CASS4: variants seen among roughly 807,000 people sequenced by gnomAD.
CASS4 encodes cas scaffolding protein family member 4.
A neutral mutation model predicts 54.2 loss-of-function variants in CASS4; 22 were observed. The observed-to-expected ratio is 0.41, with a 90% CI of 0.29 to 0.58. The LOEUF (loss-of-function observed/expected upper bound fraction) is 0.58. CASS4 is among the 20% of genes least tolerant of loss of function. The probability of loss-of-function intolerance (pLI) is 0.36; values close to 1 mark genes in which losing one functional copy is unlikely to be tolerated. For missense variants in CASS4, 854 were observed against 986.7 expected (o/e 0.87, Z 1.80); for synonymous variants, 409 against 391.5 (o/e 1.04, Z -0.53).
Position 56,450,363 on chromosome 20 carries a change from G to A in CASS4, c.562-236G>A, listed in dbSNP as rs540822438. Among the ~76,000 whole-genome samples the A allele has an allele frequency of 2.3e-3, 351 of 152,264 alleles. 2 individuals carry two copies. Among genetic ancestry groups the A allele is most frequent in the African/African-American group, 8.1e-3 (335 of 41,548 alleles). Reference sequence around the variant, plus strand: ...TAAAGCACAAAGTCCATTGTTGAATGTATACCCTGTTATGGGAAAAAGGAC... The same window carrying A: ...TAAAGCACAAAGTCCATTGTTGAATATATACCCTGTTATGGGAAAAAGGAC... On this transcript the variant is annotated intron_variant, in intron 3 of 5. Coordinates refer to ENST00000679887, the MANE Select transcript of CASS4 (RefSeq NM_020356.4).
At chr20:56,421,748 T>G (rs1466307837) in intron 1 of CASS4, among the ~76,000 whole-genome samples, 1 of 152,166 alleles carries the variant, frequency 6.6e-6, no homozygotes, top group East Asian at 1.9e-4. Context: ...TTTCTTCTAA[T>G]TGGTGTCGGC....
At chr20:56,445,549 C>A (rs1980664568) in intron 2 of CASS4, among the ~76,000 whole-genome samples, 1 of 152,250 alleles carries the variant, frequency 6.6e-6, no homozygotes, top group African/African-American at 2.4e-5. Flanking sequence ...ATCGGAATCA[C>A]CTGGCAAGCT....
chr20:56,436,866 AAC>A (rs1640307249), intron 1 of CASS4, among the ~76,000 whole-genome samples: 2 of 152,132 alleles, frequency 1.3e-5, no homozygotes, highest in Non-Finnish European at 2.9e-5. Context: ...CAGCCTGGGC[AAC>A]AGAGTGAGAC....
chr20:56,448,013 G>A (rs1361497653), intron 3 of CASS4, among the ~76,000 whole-genome samples: 1 of 152,060 alleles, frequency 6.6e-6, no homozygotes, highest in Non-Finnish European at 1.5e-5. Context: ...ATGGTGGCAG[G>A]TGCCTGTAGT....
In CASS4 at chr20:56,450,029, G is replaced by C. The variant is rs1042221015; in HGVS notation, c.562-570G>C. ...TTGCCCCCCAACCTTTGGTTGAGAGGTCTTTTTTTTTTTTTCTTTGAGATG... is the reference window on the plus strand; with the variant it reads ...TTGCCCCCCAACCTTTGGTTGAGAGCTCTTTTTTTTTTTTTCTTTGAGATG... On this transcript the variant is annotated intron_variant, in intron 3 of 5. Transcript: ENST00000679887. Among the ~76,000 whole-genome samples, 5 of 142,594 alleles carry C rather than the reference G, an allele frequency of 3.5e-5. No homozygotes were observed. In the South Asian group the frequency reaches 1.1e-3, roughly 31 times the overall value. 93.5% of individuals were successfully genotyped at this position (142,594 alleles called of 152,430 possible). A position where few individuals can be genotyped will look rare whatever the true frequency, so the allele number is the denominator to read the frequency against.
chr20:56,440,801 A>C (rs1029843178), intron 2 of CASS4, among the ~76,000 whole-genome samples: 9 of 152,166 alleles, frequency 5.9e-5, no homozygotes, highest in Admixed American at 5.2e-4. Flanking sequence ...CAAACAACAG[A>C]AACCGCAAGG....
At chr20:56,441,182 C>T (rs1980439374) in intron 2 of CASS4, among the ~76,000 whole-genome samples, 1 of 151,300 alleles carries the variant, frequency 6.6e-6, no homozygotes, top group South Asian at 2.1e-4. Flanking sequence ...TTAGTAGTGA[C>T]AGGGTTTCGC....
chr20:56,452,006 CCACTTTCTA>C lies in CASS4; in HGVS notation c.833_841del (p.Thr278_Tyr280del). On this transcript the variant is annotated inframe_deletion, in exon 5 of 6. Transcript: ENST00000679887. The stretch of plus-strand genomic sequence containing the variant: ...CCCCACGCTCTCCCCAGTTCCAGCT[CCACTTTCTA>C]CAATCCTCCAAGTGGCAGATCCAGG... 1 of 1,614,216 alleles carries C rather than the reference CCACTTTCTA, an allele frequency of 6.2e-7. No homozygotes were observed. Among genetic ancestry groups the C allele is most frequent in the East Asian group, 2.2e-5 (1 of 44,880 alleles).
At chr20:56,440,889 T>C (rs1980422656) in intron 2 of CASS4, among the ~76,000 whole-genome samples, 1 of 152,162 alleles carries the variant, frequency 6.6e-6, no homozygotes, top group African/African-American at 2.4e-5. Flanking sequence ...GGGAATTTCC[T>C]GCCTTGTTTT....
chr20:56,412,390 T>A lies in CASS4; in HGVS notation c.-69T>A. 1 of 1,536,418 alleles carries A rather than the reference T, an allele frequency of 6.5e-7. No homozygotes were observed. Among genetic ancestry groups the A allele is most frequent in the Non-Finnish European group, 9.0e-7 (1 of 1,116,392 alleles). ...ACCAGCCAGAAGCATGCAGTGACATTGCACAATCTGCCTCTGAAGCTGGAG... is the reference window on the plus strand; with the variant it reads ...ACCAGCCAGAAGCATGCAGTGACATAGCACAATCTGCCTCTGAAGCTGGAG... On this transcript the variant is annotated 5_prime_UTR_variant, in exon 1 of 6. Coordinates refer to ENST00000679887, the MANE Select transcript of CASS4 (RefSeq NM_020356.4). This position sits in a 1 kb window ranked among gnomAD's most constrained non-coding sequence, Gnocchi z 4.2.
intron 1 of CASS4, among the ~76,000 whole-genome samples, chr20:56,424,434 A>G (rs1472059370): frequency 1.3e-5 from 2 of 152,132 alleles, no homozygotes; most frequent in African/African-American, 4.8e-5. Context: ...TTCATGGGGG[A>G]AAAGAAAAGT....
At chr20:56,441,368 G>A (rs1283864396) in intron 2 of CASS4, among the ~76,000 whole-genome samples, 1 of 150,686 alleles carries the variant, frequency 6.6e-6, no homozygotes, top group East Asian at 2.0e-4. Context: ...AATTTGGGAG[G>A]CCAAGGCGGG....
intron 1 of CASS4, among the ~76,000 whole-genome samples, chr20:56,423,311 T>C (rs1979495136): frequency 2.6e-5 from 4 of 152,194 alleles, no homozygotes; most frequent in African/African-American, 4.8e-5. Context: ...TCTTTGATTG[T>C]GTGGGACTCT....
In CASS4 at chr20:56,452,261, C is replaced by T; in HGVS notation, c.1085C>T (p.Ala362Val). 2 of 1,613,998 alleles carry T rather than the reference C, an allele frequency of 1.2e-6. No homozygotes were observed. Among genetic ancestry groups the T allele is most frequent in the South Asian group, 1.1e-5 (1 of 91,086 alleles). Reference protein sequence around the residue: ...IPKATSSVSQAGKELEKAKEV... With the variant: ...IPKATSSVSQVGKELEKAKEV... ...AAAGCAACGTCGAGTGTTTCTCAGG[C>T]TGGGAAGGAGCTGGAGAAAGCCAAG... is the stretch of plus-strand genomic sequence containing the variant. The change falls in exon 5 of 6, where the codon GCT becomes GTT. Residue 362 changes from alanine (A) to valine (V), a missense_variant. Coordinates refer to ENST00000679887, the MANE Select transcript of CASS4 (RefSeq NM_020356.4).
At chr20:56,456,355 T>C (rs2146300498) in intron 5 of CASS4, among the ~76,000 whole-genome samples, 1 of 150,120 alleles carries the variant, frequency 6.7e-6, no homozygotes, top group South Asian at 2.1e-4. Context: ...CCTACCTCAT[T>C]ACTTCTCGTT....
At chr20:56,436,453 C>CAT (rs1980173776) in intron 1 of CASS4, among the ~76,000 whole-genome samples, 1 of 147,630 alleles carries the variant, frequency 6.8e-6, no homozygotes, top group African/African-American at 2.5e-5. Flanking sequence ...TGTATATATA[C>CAT]ATATATATAA....
rs1284441758 is a variant in CASS4 at position 56,460,245 on chromosome 20, A to G, written c.*1498A>G. On this transcript the variant is annotated 3_prime_UTR_variant, in exon 6 of 6. Coordinates refer to ENST00000679887, the MANE Select transcript of CASS4 (RefSeq NM_020356.4). The stretch of plus-strand genomic sequence containing the variant: ...AATTCTGCTCAATTTGAAAAATTTT[A>G]TATTTTGTCTCAAATCTGTTACAAT... 4.6e-5 allele frequency: 7 copies of G among 152,628 alleles called. No individual in the cohort carries two copies. Among genetic ancestry groups the G allele is most frequent in the African/African-American group, 1.4e-4 (6 of 41,536 alleles). The allele number at this position is 152,628 out of a possible 1,614,324, so 9.5% of individuals were successfully genotyped here. A position where few individuals can be genotyped will look rare whatever the true frequency, so the allele number is the denominator to read the frequency against.
At chr20:56,455,768 A>G (rs1171275079) in intron 5 of CASS4, among the ~76,000 whole-genome samples, 1 of 152,062 alleles carries the variant, frequency 6.6e-6, no homozygotes, top group Non-Finnish European at 1.5e-5. Flanking sequence ...CGTTTCTACT[A>G]AAAATACAAA....
intron 2 of CASS4, among the ~76,000 whole-genome samples, chr20:56,443,484 G>A (rs1437183257): frequency 1.8e-5 from 2 of 112,842 alleles, no homozygotes; most frequent in Admixed American, 9.1e-5. Context: ...AAAAAAAGAA[G>A]CTTGGATTTC....
Sources: allele counts gnomAD v4.1 joint callset (sites outside exome capture counted in the v4.1 genomes callset), GRCh38; gene constraint gnomAD v4.1.1; non-coding constraint Gnocchi (gnomAD v3.1); transcripts MANE v1.5; gene names NCBI Gene and HGNC (gene_info 2026-07-23, HGNC 2026-07-21).